NSUN6: variants seen among roughly 807,000 people sequenced by gnomAD.
The protein encoded by NSUN6 is NOP2/Sun RNA methyltransferase 6, also known as tRNA (cytosine(72)-C(5))-methyltransferase NSUN6.
A neutral mutation model predicts 58.0 loss-of-function variants in NSUN6; 64 were observed. The ratio of observed to expected loss-of-function variants is 1.10; its 90% confidence interval spans 0.90 to 1.36. The LOEUF (loss-of-function observed/expected upper bound fraction) is 1.36, where lower values mean the gene tolerates loss of function less well. Ranked by LOEUF, NSUN6 falls within the 40% of genes most tolerant of loss-of-function variation. The pLI is 0.00. For synonymous variants in NSUN6, 231 were observed against 193.9 expected (o/e 1.19, Z -1.59); for missense variants, 701 against 550.1 (o/e 1.27, Z -2.74).
chr10:18,553,302 T>C (rs1264833157), intron 8 of NSUN6, among the ~76,000 whole-genome samples: 4 of 151,444 alleles, frequency 2.6e-5, no homozygotes, highest in Non-Finnish European at 5.9e-5. Flanking sequence ...CCGTTCTCCA[T>C]TCCATGGAAT....
chr10:18,555,981 T>A (rs558838726), intron 8 of NSUN6, among the ~76,000 whole-genome samples: 1 of 144,578 alleles, frequency 6.9e-6, no homozygotes, highest in South Asian at 2.2e-4. Flanking sequence ...GAGAATTAAA[T>A]AGAATGGATA....
At chr10:18,647,761 G>C (rs1345065233) in intron 2 of NSUN6, among the ~76,000 whole-genome samples, 1 of 114,638 alleles carries the variant, frequency 8.7e-6, no homozygotes, top group Non-Finnish European at 1.7e-5. Flanking sequence ...TTGAGACAGA[G>C]TCTCATTCCA....
rs754827609 is a variant in NSUN6, at chr10:18,614,583, T to C, written c.452A>G (p.Tyr151Cys). The C allele has an allele frequency of 4.1e-6, 6 of 1,468,968 alleles. No individual in the cohort carries two copies. The South Asian group carries it at 5.1e-5, about 13-fold the overall frequency. 91.0% of individuals were successfully genotyped at this position (1,468,968 alleles called of 1,614,324 possible). Residue 151 changes from tyrosine to cysteine, a missense_variant, in exon 5 of 11, where the codon TAC becomes TGC. Transcript: ENST00000377304. ...CTTACATTTTCCTTTAATATCAGAGTATACAGAAATAACATCTCCAGCTTT... is the reference window on the plus strand; with the variant it reads ...CTTACATTTTCCTTTAATATCAGAGCATACAGAAATAACATCTCCAGCTTT... ...FMKAGDVISVYSDIKGKCKKG... is the reference protein window; with the variant it reads ...FMKAGDVISVCSDIKGKCKKG...
intron 6 of NSUN6, among the ~76,000 whole-genome samples, chr10:18,601,743 G>A (rs1328215931): frequency 6.6e-6 from 1 of 152,084 alleles, no homozygotes; most frequent in African/African-American, 2.4e-5. Flanking sequence ...AGGACTTCGG[G>A]AAGCTGAGGC....
chr10:18,550,888 C>A (rs899288144), intron 9 of NSUN6, among the ~76,000 whole-genome samples: 2 of 152,024 alleles, frequency 1.3e-5, no homozygotes, highest in Non-Finnish European at 2.9e-5. Flanking sequence ...CCACACCCAG[C>A]TAATTTTTTG....
chr10:18,632,100 G>A (rs892447499), intron 3 of NSUN6, among the ~76,000 whole-genome samples: 120 of 150,716 alleles, frequency 8.0e-4, no homozygotes, highest in Middle Eastern at 3.4e-3. Context: ...AAATAATGCC[G>A]CATATCTACA....
intron 8 of NSUN6, among the ~76,000 whole-genome samples, chr10:18,571,191 C>T (rs1010908023): frequency 2.7e-5 from 4 of 148,866 alleles, no homozygotes; most frequent in Non-Finnish European, 6.0e-5. Flanking sequence ...ATTCCATTCC[C>T]TTCCATTCTC....
At chr10:18,643,049 A>C (rs12782700) in intron 2 of NSUN6, among the ~76,000 whole-genome samples, 1 of 151,938 alleles carries the variant, frequency 6.6e-6, no homozygotes, top group African/African-American at 2.4e-5. Context: ...GAAGATTATC[A>C]CACTGAAAGC....
chr10:18,550,554 A>G (rs535198745), intron 9 of NSUN6, among the ~76,000 whole-genome samples: 2 of 152,260 alleles, frequency 1.3e-5, no homozygotes, highest in South Asian at 4.1e-4. Context: ...TTGAAAGACT[A>G]GGAGAAATCC....
chr10:18,632,596 G>C (rs1171739570), intron 3 of NSUN6, among the ~76,000 whole-genome samples: 1 of 151,824 alleles, frequency 6.6e-6, no homozygotes, highest in African/African-American at 2.4e-5. Context: ...GTGGGCGAAG[G>C]ACATGAACAG....
intron 8 of NSUN6, among the ~76,000 whole-genome samples, chr10:18,569,693 C>G (rs868467851): frequency 6.6e-6 from 1 of 151,168 alleles, no homozygotes; most frequent in Non-Finnish European, 1.5e-5. Context: ...ATTCCTTTCT[C>G]CATTCCACTC....
At chr10:18,578,830 C>T (rs184989592) in intron 8 of NSUN6, among the ~76,000 whole-genome samples, 56 of 152,238 alleles carry the variant, frequency 3.7e-4, no homozygotes, top group African/African-American at 1.2e-3. Context: ...TGTACCATGA[C>T]GAAGAAACTA....
intron 8 of NSUN6, among the ~76,000 whole-genome samples, chr10:18,569,790 A>C (rs1269150153): frequency 2.7e-5 from 4 of 149,266 alleles, no homozygotes; most frequent in Admixed American, 2.7e-4. Flanking sequence ...ATTTCATTCC[A>C]TTCTCCATTC....
intron 8 of NSUN6, among the ~76,000 whole-genome samples, chr10:18,576,591 G>C (rs2056659668): frequency 6.6e-6 from 1 of 152,206 alleles, no homozygotes; most frequent in Non-Finnish European, 1.5e-5. Flanking sequence ...ACATCCCGAA[G>C]TTTGACACCC....
In NSUN6 at chr10:18,577,738, T is replaced by A. The variant is rs565599996; in HGVS notation, c.922+8211A>T. On this transcript the variant is annotated intron_variant, in intron 8 of 10. Transcript: ENST00000377304. ...CCTTCTACTTTTAAACTTAACTTCC[T>A]CGTAACCCAACCTTTATCGATCACC... Among the ~76,000 whole-genome samples the A allele has an allele frequency of 2.0e-5, 3 of 152,326 alleles. No homozygotes were observed. In the South Asian group the frequency reaches 6.2e-4, roughly 32 times the overall value.
chr10:18,580,174 C>T (rs2056842582), intron 8 of NSUN6, among the ~76,000 whole-genome samples: 1 of 152,182 alleles, frequency 6.6e-6, no homozygotes, highest in South Asian at 2.1e-4. Flanking sequence ...TTTGAAGCCT[C>T]TGGAAAATGT....
chr10:18,556,780 G>A (rs1427252072), intron 8 of NSUN6, among the ~76,000 whole-genome samples: 2 of 150,708 alleles, frequency 1.3e-5, no homozygotes, highest in Non-Finnish European at 3.0e-5. Flanking sequence ...GGAATGGAAG[G>A]TAGAATGGAA....
intron 8 of NSUN6, among the ~76,000 whole-genome samples, chr10:18,570,434 T>A (rs546170264): frequency 6.7e-6 from 1 of 148,376 alleles, no homozygotes; most frequent in Non-Finnish European, 1.5e-5. Context: ...CCATTCTCCA[T>A]TCCATTCCAT....
At chr10:18,638,920 TA>T (rs1374708716) in intron 3 of NSUN6, among the ~76,000 whole-genome samples, 2 of 83,450 alleles carry the variant, frequency 2.4e-5, no homozygotes, top group African/African-American at 9.7e-5. Flanking sequence ...ACTTGGGAAA[TA>T]ACAATGTTAT....
Sources: gnomAD v4.1 joint callset for allele counts (sites outside exome capture counted in the v4.1 genomes callset) on GRCh38, gnomAD v4.1.1 for gene constraint, MANE v1.5 for transcripts, NCBI Gene and HGNC (gene_info 2026-07-23, HGNC 2026-07-21) for gene names.